Variants in LAMA1 observed in about 807,000 individuals in gnomAD.
The protein encoded by LAMA1 is laminin subunit alpha-1.
Under a neutral mutation model 348.7 loss-of-function variants are expected in LAMA1, and 219 were observed. That is an observed-to-expected ratio of 0.63 (90% CI 0.56 to 0.70). LAMA1 has a LOEUF of 0.70. Ranked by LOEUF, LAMA1 falls within the 30% of genes least tolerant of loss-of-function variation. The probability of loss-of-function intolerance (pLI) is 0.00; values close to 1 mark genes in which losing one functional copy is unlikely to be tolerated. For missense variants in LAMA1, 3,744 were observed against 3,888.0 expected, an observed-to-expected ratio of 0.96 and a Z score of 0.99; for synonymous variants, 1,487 against 1,491.0, an observed-to-expected ratio of 1.00 and a Z score of 0.06.
chr18:7,073,060 G>A (rs1040077737), intron 3 of LAMA1, among the ~76,000 whole-genome samples: 4 of 152,016 alleles, frequency 2.6e-5, no homozygotes, highest in Non-Finnish European at 5.9e-5. Flanking sequence ...ACCCTCCTGC[G>A]TTGCTGCCTC....
intron 59 of LAMA1, 113 bp from the exon 60 acceptor site, chr18:6,948,669 T>C: frequency 8.1e-7 from 1 of 1,228,824 alleles, no homozygotes; most frequent in Non-Finnish European, 1.2e-6. Context: ...TAAAATGTAA[T>C]CTTTTTGTTT....
intron 3 of LAMA1, among the ~76,000 whole-genome samples, chr18:7,075,004 A>T (rs886809913): frequency 2.7e-4 from 33 of 122,838 alleles, no homozygotes; most frequent in Non-Finnish European, 3.6e-4. Flanking sequence ...AAAAAAAAAA[A>T]TGCTGTAATT....
intron 1 of LAMA1, among the ~76,000 whole-genome samples, chr18:7,112,071 AT>A (rs11368320): frequency 0.094 from 14,247 of 152,164 alleles, 1,650 homozygotes; most frequent in African/African-American, 0.28. Flanking sequence ...TCTAAAATAT[AT>A]TTTTTAAAAT....
intron 47 of LAMA1, among the ~76,000 whole-genome samples, 193 bp downstream of exon 47, chr18:6,972,864 A>G (rs951650619): frequency 3.9e-5 from 6 of 152,016 alleles, no homozygotes; most frequent in African/African-American, 9.7e-5. Flanking sequence ...CTAATTTTGT[A>G]TTTTTAGTAG....
At chr18:7,024,566 C>T (rs1273548422) in intron 17 of LAMA1, 100 bp from the exon 18 acceptor site, 16 of 957,092 alleles carry the variant, frequency 1.7e-5, no homozygotes, top group East Asian at 2.6e-5. Flanking sequence ...GCTTCCAGAC[C>T]TTCAATGAGA....
At chr18:7,001,351 A>G (rs569521584) in intron 30 of LAMA1, among the ~76,000 whole-genome samples, 32 of 152,310 alleles carry the variant, frequency 2.1e-4, no homozygotes, top group African/African-American at 7.7e-4. Flanking sequence ...AGCAATGCAA[A>G]AACACATCCA....
intron 27 of LAMA1, 104 bp downstream of exon 27, chr18:7,009,135 T>A: frequency 7.8e-7 from 1 of 1,278,392 alleles, no homozygotes; most frequent in Non-Finnish European, 1.1e-6. Flanking sequence ...CTGAACTACA[T>A]GGATTAATAA....
At chr18:7,059,919 G>C (rs1371866520) in intron 3 of LAMA1, among the ~76,000 whole-genome samples, 3 of 152,204 alleles carry the variant, frequency 2.0e-5, no homozygotes, top group Non-Finnish European at 4.4e-5. Flanking sequence ...TGCTCTGTGA[G>C]ATTTATGTCT....
At chr18:7,027,340 A>AT (rs147247357) in intron 16 of LAMA1, among the ~76,000 whole-genome samples, 18,390 of 152,236 alleles carry the variant, frequency 0.12, 1,348 homozygotes, top group Middle Eastern at 0.22. Context: ...AAAACATACT[A>AT]TAATTAGATA....
At position 7,034,490 on chromosome 18, in the gene LAMA1, C is replaced by G; in HGVS notation, c.2040G>C (p.Met680Ile). 6.2e-7 allele frequency: 1 copy of G among 1,614,004 alleles called. No individual in the cohort carries two copies. The highest frequency in any genetic ancestry group is 8.5e-7 in the Non-Finnish European group (1 of 1,179,924). Residue 680 changes from methionine (M) to isoleucine (I), a missense_variant, in exon 14 of 63, where the codon ATG (methionine) becomes ATC (isoleucine). By Grantham distance (10) the Met-to-Ile change is conservative (BLOSUM62 1). This residue lies in a region of LAMA1 where 1,529 missense variants were observed against 1,689.4 expected (regional missense o/e 0.91). Transcript: ENST00000389658. ...TTTTCAATACATACCTGTAAAGAGC[C>G]ATTTTTGCAGAATTGTAGTTGGCTC... ...LIRANYNSAK[M>I]ALYRLESVSL...
At chr18:6,983,438 T>C (rs2144053942) in intron 39 of LAMA1, among the ~76,000 whole-genome samples, 1 of 152,336 alleles carries the variant, frequency 6.6e-6, no homozygotes, top group African/African-American at 2.4e-5. Context: ...CACTTTGTCA[T>C]AACACTCAGA....
At chr18:7,060,896 C>T (rs1239811045) in intron 3 of LAMA1, among the ~76,000 whole-genome samples, 1 of 152,150 alleles carries the variant, frequency 6.6e-6, no homozygotes, top group Non-Finnish European at 1.5e-5. Context: ...TGGCTCATGC[C>T]TGTAATCCCA....
chr18:6,954,968 T>TGAAAAAA, intron 57 of LAMA1: 2 of 331,314 alleles, frequency 6.0e-6, no homozygotes, highest in South Asian at 2.6e-5. Flanking sequence ...CTCGGGATTT[T>TGAAAAAA]GGCCACCACA....
intron 31 of LAMA1, 62 bp from the exon 32 acceptor site, chr18:6,999,700 C>T: frequency 1.4e-6 from 2 of 1,395,982 alleles, no homozygotes; most frequent in Non-Finnish European, 2.0e-6. Flanking sequence ...TAACTTGCGA[C>T]AGTAATCATT....
intron 1 of LAMA1, among the ~76,000 whole-genome samples, chr18:7,109,182 G>T (rs544651883): frequency 2.2e-4 from 33 of 152,290 alleles, no homozygotes; most frequent in Non-Finnish European, 4.6e-4. Flanking sequence ...GAGGTGCCAG[G>T]GCTGGGTTTG....
chr18:6,999,170 T>G (rs575363532), intron 32 of LAMA1, among the ~76,000 whole-genome samples: 19 of 152,218 alleles, frequency 1.2e-4, no homozygotes, highest in Non-Finnish European at 1.8e-4. Context: ...AAAGGAAATA[T>G]TAATGCCACT....
chr18:7,033,619 G>A (rs2057981168), intron 14 of LAMA1, among the ~76,000 whole-genome samples: 2 of 152,116 alleles, frequency 1.3e-5, no homozygotes, highest in South Asian at 4.1e-4. Flanking sequence ...ATGACTGTGG[G>A]AAAGGTCTGG....
chr18:7,001,780 T>A (rs1278081282), intron 30 of LAMA1, among the ~76,000 whole-genome samples: 3 of 152,226 alleles, frequency 2.0e-5, no homozygotes, highest in Non-Finnish European at 2.9e-5. Flanking sequence ...TTCAGGTAAT[T>A]CTGTACAAGC....
chr18:6,977,985 A>G, intron 43 of LAMA1, 104 bp from the exon 44 acceptor site: 1 of 1,345,500 alleles, frequency 7.4e-7, no homozygotes, highest in East Asian at 2.3e-5. Flanking sequence ...CAACACCCTA[A>G]CAATCAAAGC....
Sources: allele counts gnomAD v4.1 joint callset (sites outside exome capture counted in the v4.1 genomes callset), GRCh38; gene constraint gnomAD v4.1.1; regional missense constraint gnomAD v4.1.1; transcripts MANE v1.5; gene names NCBI Gene and HGNC (gene_info 2026-07-23, HGNC 2026-07-21).